The following CRYBA4 variants were observed in gnomAD, a reference collection of about 807,000 sequenced individuals.
The protein encoded by CRYBA4 is beta-crystallin A4.
CRYBA4 carries 30 observed loss-of-function variants against 31.7 expected under a neutral mutation model. That is an observed-to-expected ratio of 0.95 (90% CI 0.71 to 1.28). The LOEUF (loss-of-function observed/expected upper bound fraction) is 1.28, where lower values mean the gene tolerates loss of function less well. Among genes scored for constraint, CRYBA4 ranks in the 50% most tolerant of loss-of-function variants. The pLI, the probability that CRYBA4 is intolerant of heterozygous loss-of-function variation, is 0.00. For missense variants in CRYBA4, 225 were observed against 260.7 expected (o/e 0.86, Z 0.94); for synonymous variants, 102 against 102.3 (o/e 1.00, Z 0.02).
the CRYBA4 span, chr22:26,608,163 T>G: frequency 8.0e-7 from 1 of 1,250,324 alleles, no homozygotes; most frequent in African/African-American, 1.5e-5. Context: ...CATGTCTGGG[T>G]TTGATTTTAG....
the CRYBA4 span, chr22:26,602,018 C>T: frequency 3.7e-6 from 6 of 1,613,564 alleles, no homozygotes; most frequent in Non-Finnish European, 5.1e-6. Flanking sequence ...TGCTCCTGGG[C>T]ATCCTGGGGA....
intron 4 of CRYBA4, 43 bp downstream of exon 4, chr22:26,625,665 T>C: frequency 1.2e-6 from 2 of 1,601,104 alleles, no homozygotes; most frequent in Non-Finnish European, 8.5e-7. Flanking sequence ...CCCAAGCCCC[T>C]CATGTGGGCA....
At chr22:26,629,469 C>T (rs367666365) in intron 5 of CRYBA4, among the ~76,000 whole-genome samples, 13 of 152,026 alleles carry the variant, frequency 8.6e-5, no homozygotes, top group East Asian at 5.8e-4. Flanking sequence ...GGGCCAGACA[C>T]GGTGGCTCAC....
At chr22:26,592,465 C>G in the CRYBA4 span, among the ~76,000 whole-genome samples, 3 of 152,224 alleles carry the variant, frequency 2.0e-5, no homozygotes, top group East Asian at 5.8e-4. Context: ...CGTGTGTATA[C>G]ATGCCAGAGG....
the CRYBA4 span, among the ~76,000 whole-genome samples, chr22:26,614,709 C>G: frequency 7.2e-5 from 11 of 152,240 alleles, no homozygotes; most frequent in East Asian, 2.1e-3. Flanking sequence ...ACAAGTAAAT[C>G]GGCCAGTTGC....
At chr22:26,613,036 A>G in the CRYBA4 span, among the ~76,000 whole-genome samples, 1 of 151,664 alleles carries the variant, frequency 6.6e-6, no homozygotes, top group Non-Finnish European at 1.5e-5. Flanking sequence ...AAGACCAAGG[A>G]CTCCTCCAGG....
chr22:26,623,421 A>G lies in CRYBA4; in HGVS notation c.158+69A>G. The G allele has an allele frequency of 2.4e-6, 3 of 1,238,182 alleles. No homozygotes were observed. In the South Asian group the frequency reaches 3.6e-5, roughly 15 times the overall value. The allele number at this position is 1,238,182 out of a possible 1,614,324, so 76.7% of individuals were successfully genotyped here. ...AAGGGACCTAGAGACGGGTGCTAGG[A>G]CTTTTAGATATTCTAGGTCCCCTCT... On this transcript the variant is annotated intron_variant, in intron 3 of 5. Coordinates refer to ENST00000354760, the MANE Select transcript of CRYBA4 (RefSeq NM_001886.3).
chr22:26,591,428 A>G, the CRYBA4 span, among the ~76,000 whole-genome samples: 2 of 141,132 alleles, frequency 1.4e-5, no homozygotes, highest in Non-Finnish European at 3.0e-5. Flanking sequence ...CTGAGATTGC[A>G]CTGCACTCCA....
the CRYBA4 span, among the ~76,000 whole-genome samples, chr22:26,610,002 G>A: frequency 6.6e-6 from 1 of 152,186 alleles, no homozygotes; most frequent in Non-Finnish European, 1.5e-5. Context: ...AAGGAAACTG[G>A]AGGTCTAGGC....
the CRYBA4 span, among the ~76,000 whole-genome samples, chr22:26,605,483 G>A: frequency 6.6e-6 from 1 of 151,930 alleles, no homozygotes; most frequent in Non-Finnish European, 1.5e-5. Flanking sequence ...AGACCATCCT[G>A]GCCAACATGA....
chr22:26,602,002 A>AT, the CRYBA4 span: 1 of 1,613,740 alleles, frequency 6.2e-7, no homozygotes, highest in Non-Finnish European at 8.5e-7. Flanking sequence ...AAACAGGGAG[A>AT]TTTTGTGCTC....
the CRYBA4 span, among the ~76,000 whole-genome samples, chr22:26,605,959 G>A: frequency 1.3e-4 from 20 of 152,266 alleles, no homozygotes; most frequent in Middle Eastern, 3.4e-3. Context: ...GCTCAGGATG[G>A]CTTTGAATGT....
chr22:26,608,825 G>T, the CRYBA4 span, among the ~76,000 whole-genome samples: 1 of 152,170 alleles, frequency 6.6e-6, no homozygotes, highest in Non-Finnish European at 1.5e-5. Flanking sequence ...GGAAGGGAAT[G>T]ATGGTAATAT....
chr22:26,599,648 A>G, the CRYBA4 span: 1 of 1,614,150 alleles, frequency 6.2e-7, no homozygotes, highest in Non-Finnish European at 8.5e-7. Context: ...TACCCGCGGT[A>G]GCCAGGATAC....
At chr22:26,611,510 C>T in the CRYBA4 span, among the ~76,000 whole-genome samples, 1 of 150,588 alleles carries the variant, frequency 6.6e-6, no homozygotes, top group Non-Finnish European at 1.5e-5. Context: ...CTCTGTCGCC[C>T]AGGCCGGACT....
the CRYBA4 span, among the ~76,000 whole-genome samples, chr22:26,613,598 T>C: frequency 6.6e-6 from 1 of 152,258 alleles, no homozygotes; most frequent in Non-Finnish European, 1.5e-5. Context: ...ACCCTTGTGC[T>C]TTCCTATGCC....
At chr22:26,627,900 G>A (rs192036964) in intron 4 of CRYBA4, among the ~76,000 whole-genome samples, 5 of 152,142 alleles carry the variant, frequency 3.3e-5, no homozygotes, top group African/African-American at 4.8e-5. Context: ...CACCCTCCTC[G>A]GCCTCCCAAA....
At chr22:26,599,700 T>C in the CRYBA4 span, 1 of 1,601,764 alleles carries the variant, frequency 6.2e-7, no homozygotes, top group Non-Finnish European at 8.6e-7. Flanking sequence ...AAGGACAGAG[T>C]GGAGACAGCC....
chr22:26,616,077 G>A, the CRYBA4 span: 2 of 1,273,870 alleles, frequency 1.6e-6, no homozygotes, highest in East Asian at 2.3e-5. Flanking sequence ...AGGAGAAGAA[G>A]GAGGAGGAGG....
Sources: gnomAD v4.1 joint callset for allele counts (sites outside exome capture counted in the v4.1 genomes callset) on GRCh38, gnomAD v4.1.1 for gene constraint, MANE v1.5 for transcripts, NCBI Gene and HGNC (gene_info 2026-07-23, HGNC 2026-07-21) for gene names.